The following NUP98 variants were observed in gnomAD, a reference collection of about 807,000 sequenced individuals.
NUP98 encodes the protein nucleoporin 98 and 96 precursor.
In NUP98, 26 loss-of-function variants were observed where a neutral mutation model predicts 191.9. The ratio of observed to expected loss-of-function variants is 0.14; its 90% CI spans 0.10 to 0.19. NUP98 has a LOEUF of 0.19. Ranked by LOEUF, NUP98 falls within the 10% of genes least tolerant of loss-of-function variation. The pLI is 1.00. For missense variants in NUP98, 1,941 were observed against 2,178.8 expected, an observed-to-expected ratio of 0.89 and a Z score of 2.17; for synonymous variants, 808 against 778.4, an observed-to-expected ratio of 1.04 and a Z score of -0.63.
chr11:3,695,607 C>A lies in NUP98; in HGVS notation c.4010-1G>T. Reference sequence around the variant, plus strand: ...AAAAGAAGAGCAAGACGATGATCCCCTATAAGAGAAATGGAAGTTTTTTGG... The same window carrying A: ...AAAAGAAGAGCAAGACGATGATCCCATATAAGAGAAATGGAAGTTTTTTGG... On this transcript the variant is annotated splice_acceptor_variant, in intron 25 of 32. Coordinates refer to ENST00000324932, the MANE Select transcript of NUP98 (RefSeq NM_016320.5). LOFTEE classifies it high-confidence loss of function. 1 of 1,556,748 alleles carries A rather than the reference C, an allele frequency of 6.4e-7. No homozygotes were observed.
intron 18 of NUP98, among the ~76,000 whole-genome samples, chr11:3,718,283 C>T (rs1416808535): frequency 6.6e-6 from 1 of 152,100 alleles, no homozygotes; most frequent in Non-Finnish European, 1.5e-5. Context: ...TGCTTGTAAT[C>T]CCAGCACTTT....
chr11:3,705,799 G>C (rs2078841670), intron 21 of NUP98, among the ~76,000 whole-genome samples: 1 of 152,040 alleles, frequency 6.6e-6, no homozygotes, highest in Non-Finnish European at 1.5e-5. Context: ...ATATTTTATA[G>C]AGAAAAATCA....
chr11:3,736,073 A>ATT (rs1199211152), intron 12 of NUP98, among the ~76,000 whole-genome samples: 1 of 99,742 alleles, frequency 1.0e-5, no homozygotes, highest in Non-Finnish European at 2.1e-5. Flanking sequence ...ACAACAGCTA[A>ATT]TTTTGTGTGT....
At position 3,723,169 on chromosome 11, in the gene NUP98, T is replaced by G; in HGVS notation, c.2134A>C (p.Met712Leu). ...REEIENNSYH[M>L]HPAGIILTKV... Reference sequence around the variant, plus strand: ...ATCTGAACCTGACCTGCTGGGTGCATATGGTAAGAATTATTTTCTATTTCT... The same window carrying G: ...ATCTGAACCTGACCTGCTGGGTGCAGATGGTAAGAATTATTTTCTATTTCT... The change falls in exon 16 of 33, where the codon ATG becomes CTG. Residue 712 changes from methionine to leucine, a missense_variant. Met to Leu is a conservative substitution (Grantham distance 15). Transcript: ENST00000324932. 1 of 1,614,002 alleles carries G rather than the reference T, an allele frequency of 6.2e-7. No homozygotes were observed. Among genetic ancestry groups the G allele is most frequent in the African/African-American group, 1.3e-5 (1 of 75,024 alleles).
intron 28 of NUP98, among the ~76,000 whole-genome samples, chr11:3,687,982 G>A (rs2078179834): frequency 6.6e-6 from 1 of 152,208 alleles, no homozygotes; most frequent in African/African-American, 2.4e-5. Flanking sequence ...TTAGACATTA[G>A]GGAAATGCAA....
intron 20 of NUP98, among the ~76,000 whole-genome samples, chr11:3,710,615 TGA>T (rs1262190624): frequency 6.6e-6 from 1 of 152,222 alleles, no homozygotes; most frequent in Non-Finnish European, 1.5e-5. Context: ...GCAGTCATCT[TGA>T]CACAGAGATG....
chr11:3,689,475 T>C (rs1362760619), intron 28 of NUP98, among the ~76,000 whole-genome samples: 2 of 151,360 alleles, frequency 1.3e-5, no homozygotes, highest in Admixed American at 6.6e-5. Flanking sequence ...TGCAGTGAGC[T>C]GAGATTGCAC....
Position 3,753,369 on chromosome 11 carries a change from C to G in NUP98, c.1214G>C (p.Ser405Thr). ...TCCAAGAGTCCCAGGTGCTGGTTTA[C>G]TTCCAAAAATACTATTCCCACTGGT... ...TNTSGNSIFG[S>T]KPAPGTLGTG... Residue 405 changes from serine to threonine, a missense_variant, in exon 11 of 33, where the codon AGT (serine) becomes ACT (threonine). This residue lies in a region of NUP98 where 181 missense variants were observed against 228.0 expected (regional missense o/e 0.79). Coordinates refer to ENST00000324932, the MANE Select transcript of NUP98 (RefSeq NM_016320.5). The G allele has an allele frequency of 6.2e-7, 1 of 1,614,018 alleles. No individual in the cohort carries two copies.
intron 7 of NUP98, among the ~76,000 whole-genome samples, chr11:3,769,855 A>G (rs185003051): frequency 6.6e-6 from 1 of 152,004 alleles, no homozygotes; most frequent in African/African-American, 2.4e-5. Flanking sequence ...CAGCCTGGCC[A>G]AGACGGTAAA....
intron 12 of NUP98, among the ~76,000 whole-genome samples, chr11:3,736,340 A>T (rs1461557821): frequency 1.3e-5 from 2 of 152,220 alleles, no homozygotes; most frequent in African/African-American, 4.8e-5. Context: ...AGATATGGAA[A>T]CAACCTACGT....
chr11:3,696,874 T>C (rs1820987788), intron 25 of NUP98: 1 of 152,048 alleles, frequency 6.6e-6, no homozygotes, highest in Admixed American at 6.6e-5. Context: ...CAAAAGCTTT[T>C]AGTAACCTAA....
At chr11:3,680,256 C>CA (rs1367379594) in intron 30 of NUP98, among the ~76,000 whole-genome samples, 2 of 152,220 alleles carry the variant, frequency 1.3e-5, no homozygotes, top group Non-Finnish European at 2.9e-5. Flanking sequence ...CCTTTGCTGG[C>CA]ATTTCAACAA....
chr11:3,788,660 A>G (rs555075341), intron 1 of NUP98, among the ~76,000 whole-genome samples: 8 of 152,152 alleles, frequency 5.3e-5, no homozygotes, highest in African/African-American at 1.7e-4. Context: ...GAATCACTGT[A>G]TAAGGCTGGG....
chr11:3,694,076 C>CAAA (rs35430290), intron 26 of NUP98, among the ~76,000 whole-genome samples: 3 of 110,728 alleles, frequency 2.7e-5, no homozygotes, highest in South Asian at 2.9e-4. Flanking sequence ...ATTAAAAATA[C>CAAA]AAAAAAAAAA....
chr11:3,702,350 CTCTCTCTCTCTCTCTCTCTA>C (rs2134116187), intron 23 of NUP98, 93 bp downstream of exon 23: 2 of 634,508 alleles, frequency 3.2e-6, no homozygotes, highest in Non-Finnish European at 2.7e-6. Context: ...CTCTCTCTCT[CTCTCTCTCTCTCTCTCTCTA>C]GAAAGATGAC....
At chr11:3,702,353 T>A (rs1365319499) in intron 23 of NUP98, 110 bp downstream of exon 23, 9 of 652,366 alleles carry the variant, frequency 1.4e-5, no homozygotes, top group Non-Finnish European at 2.0e-5. Flanking sequence ...TCTCTCTCTC[T>A]CTCTCTCTCT....
Position 3,699,066 on chromosome 11 carries a change from C to A in NUP98, c.4009+16G>T. 1 of 1,611,632 alleles carries A rather than the reference C, an allele frequency of 6.2e-7. No homozygotes were observed. The highest frequency in any genetic ancestry group is 8.5e-7 in the Non-Finnish European group (1 of 1,179,548). ...AGGCGACAGAGGCGCAGAGAAGGAC[C>A]ATATGCCTTCCCCACCTGACTGCTG... On this transcript the variant is annotated intron_variant, in intron 25 of 32. Coordinates refer to ENST00000324932, the MANE Select transcript of NUP98 (RefSeq NM_016320.5).
At chr11:3,692,320 T>C (rs903056674) in intron 27 of NUP98, among the ~76,000 whole-genome samples, 24 of 143,096 alleles carry the variant, frequency 1.7e-4, no homozygotes, top group African/African-American at 4.5e-4. Context: ...CTGATCTCGA[T>C]TGAAAAAAAA....
chr11:3,727,213 C>T (rs1305300658), intron 14 of NUP98, among the ~76,000 whole-genome samples: 1 of 152,116 alleles, frequency 6.6e-6, no homozygotes, highest in African/African-American at 2.4e-5. Flanking sequence ...TGCACACACA[C>T]CTATAGTCCC....
Sources: gnomAD v4.1 joint callset for allele counts (sites outside exome capture counted in the v4.1 genomes callset) on GRCh38, gnomAD v4.1.1 for gene constraint, gnomAD v4.1.1 regional missense constraint, MANE v1.5 for transcripts, NCBI Gene and HGNC (gene_info 2026-07-23, HGNC 2026-07-21) for gene names.